MX1: variants seen among roughly 807,000 people sequenced by gnomAD.
MX1 encodes MX dynamin like GTPase 1.
Under a neutral mutation model 66.4 loss-of-function variants are expected in MX1, and 66 were observed. That is an observed-to-expected ratio of 0.99 (90% CI 0.82 to 1.22). The LOEUF (loss-of-function observed/expected upper bound fraction) is 1.22, where lower values mean the gene tolerates loss of function less well. Among genes scored for constraint, MX1 ranks in the 50% most tolerant of loss-of-function variants. MX1 has a pLI of 0.00. For missense variants in MX1, 787 were observed against 834.3 expected (o/e 0.94, Z 0.70); for synonymous variants, 311 against 318.1 (o/e 0.98, Z 0.24).
chr21:41,449,931 T>G (rs549746297), intron 14 of MX1: 1 of 152,356 alleles, frequency 6.6e-6, no homozygotes, highest in East Asian at 1.9e-4. Context: ...TAGCCAAGGC[T>G]TGGTCTTTCT....
At chr21:41,430,224 C>T (rs1475746455) in intron 3 of MX1, among the ~76,000 whole-genome samples, 1 of 151,912 alleles carries the variant, frequency 6.6e-6, no homozygotes, top group Non-Finnish European at 1.5e-5. Flanking sequence ...CCCTTCAACC[C>T]TCATGGTACT....
intron 14 of MX1, chr21:41,449,767 T>C (rs469218): frequency 0.95 from 145,097 of 152,718 alleles, 69,492 homozygotes; most frequent in African/African-American, 0.99. Flanking sequence ...GGGGGCACCA[T>C]CCTCATGGCA....
Position 41,438,671 on chromosome 21 carries a change from G to A in MX1, c.437-1023G>A, listed in dbSNP as rs141485901. Among the ~76,000 whole-genome samples the A allele has an allele frequency of 4.5e-3, 688 of 152,316 alleles. 7 individuals are homozygous for A. Among genetic ancestry groups the A allele is most frequent in the African/African-American group, 0.016 (651 of 41,564 alleles). On this transcript the variant is annotated intron_variant, in intron 7 of 16. Transcript: ENST00000398598. ...TTTTCTCTCTCTCCATGGAAGTGACGAAGGCACCCTGTAAAGTAGCGTGCA... is the reference window on the plus strand; with the variant it reads ...TTTTCTCTCTCTCCATGGAAGTGACAAAGGCACCCTGTAAAGTAGCGTGCA...
chr21:41,439,812 G>A lies in MX1; in HGVS notation c.555G>A (p.Val185=). The A allele has an allele frequency of 6.2e-7, 1 of 1,614,030 alleles. No homozygotes were observed. The highest frequency in any genetic ancestry group is 8.5e-7 in the Non-Finnish European group (1 of 1,179,972). Residue 185 remains valine (V), a synonymous_variant, in exon 8 of 17, where the codon GTG becomes GTA. Transcript: ENST00000398598. ...TLIDLPGITR[V]AVGNQPADIG... is the part of the protein sequence containing the mutation. Reference sequence around the variant, plus strand: ...TAGACCTTCCTGGCATAACCAGAGTGGCTGTGGGCAATCAGCCTGCTGACA... The same window carrying A: ...TAGACCTTCCTGGCATAACCAGAGTAGCTGTGGGCAATCAGCCTGCTGACA...
chr21:41,424,590 A>G (rs529396653), upstream of MX1, among the ~76,000 whole-genome samples: 1 of 152,192 alleles, frequency 6.6e-6, no homozygotes, highest in East Asian at 1.9e-4. Context: ...AGCTAAGGAG[A>G]ATGGAGGTGG....
intron 3 of MX1, chr21:41,428,329 G>C (rs961006721): frequency 6.6e-6 from 1 of 152,252 alleles, no homozygotes; most frequent in African/African-American, 2.4e-5. Context: ...GATTTATTGT[G>C]AGAGATTCAC....
intron 16 of MX1, 76 bp from the exon 17 acceptor site, chr21:41,458,452 T>G: frequency 8.4e-7 from 1 of 1,196,548 alleles, no homozygotes; most frequent in Non-Finnish European, 1.1e-6. Context: ...GATCCCCTCA[T>G]GTGCACATGG....
chr21:41,445,633 G>A, intron 12 of MX1, 63 bp downstream of exon 12: 2 of 1,602,910 alleles, frequency 1.2e-6, no homozygotes, highest in South Asian at 1.1e-5. Context: ...AGGGACCCTG[G>A]GCCTTATGCA....
intron 5 of MX1, among the ~76,000 whole-genome samples, chr21:41,435,475 G>A (rs1417544675): frequency 6.6e-6 from 1 of 152,204 alleles, no homozygotes; most frequent in African/African-American, 2.4e-5. Context: ...CCTGAAACTA[G>A]GTAATTTATA....
intron 11 of MX1, among the ~76,000 whole-genome samples, chr21:41,444,881 C>A (rs1460314699): frequency 6.6e-6 from 1 of 152,142 alleles, no homozygotes; most frequent in East Asian, 1.9e-4. Flanking sequence ...CTCTGACTAC[C>A]CCTCACTAAC....
At chr21:41,456,495 TC>T (rs893016162) in intron 16 of MX1, among the ~76,000 whole-genome samples, 12 of 152,110 alleles carry the variant, frequency 7.9e-5, no homozygotes, top group Non-Finnish European at 1.2e-4. Flanking sequence ...ATGAGGCCCA[TC>T]CACATCATTG....
chr21:41,426,820 C>G (rs1221343049), intron 1 of MX1: 1 of 145,496 alleles, frequency 6.9e-6, no homozygotes, highest in Non-Finnish European at 1.5e-5. Flanking sequence ...ATGGGGCATG[C>G]GCGGGAAGAC....
intron 12 of MX1, 62 bp downstream of exon 12, chr21:41,445,632 G>C (rs2090639166): frequency 6.2e-7 from 1 of 1,605,706 alleles, no homozygotes; most frequent in South Asian, 1.1e-5. Flanking sequence ...AAGGGACCCT[G>C]GGCCTTATGC....
At chr21:41,421,003 A>G (rs903575693) in intron 1 of MX1, among the ~76,000 whole-genome samples, 1 of 152,240 alleles carries the variant, frequency 6.6e-6, no homozygotes, top group African/African-American at 2.4e-5. Context: ...CGTTCAGCAT[A>G]TGGAGGATCC....
At chr21:41,452,596 T>A in intron 15 of MX1, 25 bp from the exon 16 acceptor site, 1 of 1,580,252 alleles carries the variant, frequency 6.3e-7, no homozygotes. Context: ...TGAGGGAAAC[T>A]GTATTTATTT....
At chr21:41,446,348 A>G (rs2090663913) in intron 13 of MX1, among the ~76,000 whole-genome samples, 1 of 152,218 alleles carries the variant, frequency 6.6e-6, no homozygotes, top group African/African-American at 2.4e-5. Context: ...ATAAGGGACG[A>G]ACAAGCTTCC....
At chr21:41,454,447 A>C (rs981914461) in intron 16 of MX1, among the ~76,000 whole-genome samples, 4 of 151,988 alleles carry the variant, frequency 2.6e-5, no homozygotes, top group African/African-American at 9.7e-5. Context: ...TCTTCCTGTT[A>C]CGGCCAGGAA....
At chr21:41,436,207 C>A (rs186596934) in intron 6 of MX1, among the ~76,000 whole-genome samples, 178 bp downstream of exon 6, 26 of 152,198 alleles carry the variant, frequency 1.7e-4, no homozygotes, top group Admixed American at 1.7e-3. Flanking sequence ...ACCTCCTCAC[C>A]GCTCCCCCAT....
chr21:41,458,976 T>G lies in MX1; in HGVS notation c.*218T>G. On this transcript the variant is annotated 3_prime_UTR_variant, in exon 17 of 17. Transcript: ENST00000398598. ...TCAGATGCACATGAGCTGGCGGGATTGAAGGATGCTGTCTTCGTACTGGGA... is the reference window on the plus strand; with the variant it reads ...TCAGATGCACATGAGCTGGCGGGATGGAAGGATGCTGTCTTCGTACTGGGA... 1 of 758,376 alleles carries G rather than the reference T, an allele frequency of 1.3e-6. No individual in the cohort carries two copies. Among genetic ancestry groups the G allele is most frequent in the Non-Finnish European group, 2.0e-6 (1 of 489,382 alleles). The allele number at this position is 758,376 out of a possible 1,614,324, so 47.0% of individuals were successfully genotyped here.
Sources: gnomAD v4.1 joint callset for allele counts (sites outside exome capture counted in the v4.1 genomes callset) on GRCh38, gnomAD v4.1.1 for gene constraint, MANE v1.5 for transcripts, NCBI Gene and HGNC (gene_info 2026-07-23, HGNC 2026-07-21) for gene names.